The following ETV1 variants were observed in gnomAD, a reference collection of about 807,000 sequenced individuals.
ETV1 encodes the protein ETS variant transcription factor 1.
A neutral mutation model predicts 62.3 loss-of-function variants in ETV1; 27 were observed. The ratio of observed to expected loss-of-function variants is 0.43; its 90% CI spans 0.32 to 0.60. ETV1 has a LOEUF of 0.60. ETV1 is among the 20% of genes least tolerant of loss of function. The pLI is 0.06. For synonymous variants in ETV1, 222 were observed against 199.6 expected (o/e 1.11, Z -0.94); for missense variants, 605 against 605.8 (o/e 1.00, Z 0.01).
intron 9 of ETV1, among the ~76,000 whole-genome samples, chr7:13,928,195 A>T (rs1180931416): frequency 6.6e-6 from 1 of 152,202 alleles, no homozygotes; most frequent in Non-Finnish European, 1.5e-5. Context: ...AGAATTTTAA[A>T]ATCTCTTTTC....
At position 13,928,889 on chromosome 7, in the gene ETV1, C is replaced by T. The variant is rs201786166; in HGVS notation, c.802+2613G>A. Reference sequence around the variant, plus strand: ...AGGAGAATTGCTTGGACCCGGGGGTCGGAGGTTGCAGTGAGCTGAGAATAC... The same window carrying T: ...AGGAGAATTGCTTGGACCCGGGGGTTGGAGGTTGCAGTGAGCTGAGAATAC... On this transcript the variant is annotated intron_variant, in intron 9 of 13. Coordinates refer to ENST00000430479, the MANE Select transcript of ETV1 (RefSeq NM_004956.5). 9.2e-5 allele frequency among the ~76,000 whole-genome samples: 14 copies of T among 152,126 alleles called. No homozygotes were observed. In the East Asian group the frequency reaches 2.7e-3, roughly 30 times the overall value.
At chr7:13,948,274 C>G (rs1562663606) in intron 6 of ETV1, among the ~76,000 whole-genome samples, 1 of 152,194 alleles carries the variant, frequency 6.6e-6, no homozygotes, top group Non-Finnish European at 1.5e-5. Context: ...TTGGCTCTGA[C>G]CTTTCACTCT....
At chr7:13,910,705 C>G (rs1254795318) in intron 10 of ETV1, among the ~76,000 whole-genome samples, 3 of 152,162 alleles carry the variant, frequency 2.0e-5, no homozygotes, top group Non-Finnish European at 4.4e-5. Flanking sequence ...TTTTAGGTAT[C>G]AAAGTCCTTT....
chr7:13,981,091 G>GT (rs1309030898), intron 5 of ETV1, among the ~76,000 whole-genome samples: 86 of 151,398 alleles, frequency 5.7e-4, no homozygotes, highest in African/African-American at 1.3e-3. Context: ...TGCCTGTTGG[G>GT]TTTTTTTTTA....
intron 8 of ETV1, among the ~76,000 whole-genome samples, chr7:13,932,645 T>C (rs1786324480): frequency 6.6e-6 from 1 of 152,216 alleles, no homozygotes; most frequent in Non-Finnish European, 1.5e-5. Context: ...ATAATCGTTC[T>C]GTTCTGTGTT....
intron 5 of ETV1, among the ~76,000 whole-genome samples, chr7:13,984,706 T>C (rs181009784): frequency 8.5e-5 from 13 of 152,120 alleles, no homozygotes; most frequent in African/African-American, 3.1e-4. Context: ...TGAACTTAAT[T>C]GAAATTATAA....
At chr7:13,941,818 G>A (rs1436434740) in intron 6 of ETV1, among the ~76,000 whole-genome samples, 1 of 151,014 alleles carries the variant, frequency 6.6e-6, no homozygotes, top group East Asian at 2.0e-4. Context: ...TGCCGAGATC[G>A]CGGCAGTGCA....
At chr7:13,956,419 A>T (rs1789469311) in intron 6 of ETV1, among the ~76,000 whole-genome samples, 1 of 152,102 alleles carries the variant, frequency 6.6e-6, no homozygotes, top group Non-Finnish European at 1.5e-5. Context: ...TAATAAGATC[A>T]TTTCCATCCT....
In ETV1 at chr7:13,914,331, C is replaced by T. The variant is rs554706751; in HGVS notation, c.803-3024G>A. ...ACAAAGAATTTTATTTGTTTCAAAA[C>T]TTGTGGATCAAAATGCTCTATGACA... On this transcript the variant is annotated intron_variant, in intron 9 of 13. Transcript: ENST00000430479. Among the ~76,000 whole-genome samples the T allele has an allele frequency of 2.6e-5, 4 of 152,086 alleles. No individual in the cohort carries two copies. In the South Asian group the frequency reaches 8.3e-4, roughly 32 times the overall value.
At chr7:13,963,368 A>G (rs972766991) in intron 6 of ETV1, among the ~76,000 whole-genome samples, 4 of 152,094 alleles carry the variant, frequency 2.6e-5, no homozygotes, top group South Asian at 2.1e-4. Context: ...TGCCAAACCT[A>G]AAGAGTCTAA....
chr7:13,929,669 C>A (rs1343753544), intron 9 of ETV1, among the ~76,000 whole-genome samples: 1 of 152,160 alleles, frequency 6.6e-6, no homozygotes, highest in Non-Finnish European at 1.5e-5. Flanking sequence ...GAGCAATGTG[C>A]TCTGGTTTCA....
chr7:13,912,491 A>G (rs1287204146), intron 9 of ETV1, among the ~76,000 whole-genome samples: 1 of 152,186 alleles, frequency 6.6e-6, no homozygotes, highest in Non-Finnish European at 1.5e-5. Flanking sequence ...TATTTAAGAT[A>G]TACTGATTTA....
In ETV1 at chr7:13,894,049, G is replaced by T. The variant is rs148983716; in HGVS notation, c.*1817C>A. On this transcript the variant is annotated 3_prime_UTR_variant, in exon 14 of 14. Transcript: ENST00000430479. Reference sequence around the variant, plus strand: ...CTTAGAGAAATGAGCTGTGATCTGTGTAGTTTTGGAAAATGGGTAGCTGGG... The same window carrying T: ...CTTAGAGAAATGAGCTGTGATCTGTTTAGTTTTGGAAAATGGGTAGCTGGG... The T allele has an allele frequency of 2.3e-3, 533 of 232,822 alleles. 5 individuals are homozygous for T. Among genetic ancestry groups the T allele is most frequent in the African/African-American group, 0.011 (481 of 45,414 alleles). 14.4% of individuals were successfully genotyped at this position (232,822 alleles called of 1,614,324 possible). A position where few individuals can be genotyped will look rare whatever the true frequency, so the allele number is the denominator to read the frequency against.
At chr7:13,910,572 A>G (rs751713465) in intron 10 of ETV1, 1 of 361,508 alleles carries the variant, frequency 2.8e-6, no homozygotes, top group Non-Finnish European at 3.9e-6. Context: ...ACCTAGCCTA[A>G]AAGAATGCAT....
chr7:13,973,143 G>A (rs2128495542), intron 6 of ETV1, among the ~76,000 whole-genome samples: 1 of 152,238 alleles, frequency 6.6e-6, no homozygotes, highest in East Asian at 1.9e-4. Flanking sequence ...ATTTAAACAT[G>A]TTACAGTCAA....
intron 9 of ETV1, among the ~76,000 whole-genome samples, chr7:13,912,886 G>A (rs1481846219): frequency 3.9e-5 from 6 of 152,138 alleles, no homozygotes; most frequent in East Asian, 1.9e-4. Flanking sequence ...TAATCAAATT[G>A]TAGAAACATT....
At chr7:13,983,159 A>G (rs960755726) in intron 5 of ETV1, among the ~76,000 whole-genome samples, 3 of 152,000 alleles carry the variant, frequency 2.0e-5, no homozygotes, top group African/African-American at 7.2e-5. Flanking sequence ...CCACTGGAAA[A>G]CATTTTACCC....
chr7:13,921,557 C>T (rs1432899087), intron 9 of ETV1, among the ~76,000 whole-genome samples: 1 of 152,094 alleles, frequency 6.6e-6, no homozygotes, highest in Middle Eastern at 3.2e-3. Flanking sequence ...TATCTCTAAA[C>T]CACTGATCAA....
intron 6 of ETV1, among the ~76,000 whole-genome samples, chr7:13,941,276 A>G (rs1028015070): frequency 1.3e-5 from 2 of 152,204 alleles, no homozygotes; most frequent in African/African-American, 4.8e-5. Flanking sequence ...TAGCTATTAG[A>G]TAATTTAATG....
Sources: allele counts gnomAD v4.1 joint callset (sites outside exome capture counted in the v4.1 genomes callset), GRCh38; gene constraint gnomAD v4.1.1; transcripts MANE v1.5; gene names NCBI Gene and HGNC (gene_info 2026-07-23, HGNC 2026-07-21).